CDKAL1: variants seen among roughly 807,000 people sequenced by gnomAD.
CDKAL1 encodes the protein CDKAL1 threonylcarbamoyladenosine tRNA methylthiotransferase, also known as threonylcarbamoyladenosine tRNA methylthiotransferase.
CDKAL1 carries 32 observed loss-of-function variants against 68.2 expected under a neutral mutation model. The observed-to-expected ratio is 0.47, with a 90% CI of 0.35 to 0.63. The LOEUF (loss-of-function observed/expected upper bound fraction) is 0.63, where lower values mean the gene tolerates loss of function less well. Ranked by LOEUF, CDKAL1 falls within the 30% of genes least tolerant of loss-of-function variation. CDKAL1 has a pLI of 0.00. For synonymous variants in CDKAL1, 234 were observed against 244.3 expected (o/e 0.96, Z 0.39); for missense variants, 606 against 696.7 (o/e 0.87, Z 1.47).
Position 20,841,849 on chromosome 6 carries a change from G to C in CDKAL1, c.639-4226G>C, listed in dbSNP as rs552238908. ...CTTTTGAGGGTTTTAGTCATTCTTGGTCTCTGGCCATGTAACAACCTGTGC... is the reference window on the plus strand; with the variant it reads ...CTTTTGAGGGTTTTAGTCATTCTTGCTCTCTGGCCATGTAACAACCTGTGC... On this transcript the variant is annotated intron_variant, in intron 8 of 15. Coordinates refer to ENST00000274695, the MANE Select transcript of CDKAL1 (RefSeq NM_017774.3). Among the ~76,000 whole-genome samples the C allele has an allele frequency of 2.6e-3, 394 of 152,308 alleles. 1 individual carries two copies. Among genetic ancestry groups the C allele is most frequent in the Non-Finnish European group, 5.0e-3 (339 of 68,016 alleles).
At chr6:20,575,628 T>C (rs138787066) in intron 4 of CDKAL1, among the ~76,000 whole-genome samples, 3 of 152,136 alleles carry the variant, frequency 2.0e-5, no homozygotes. Context: ...CACATTAATA[T>C]TATATCTTTT....
intron 9 of CDKAL1, among the ~76,000 whole-genome samples, chr6:20,940,942 T>A (rs1229914993): frequency 6.6e-6 from 1 of 151,850 alleles, no homozygotes; most frequent in Non-Finnish European, 1.5e-5. Context: ...TACAAAAAAT[T>A]AGCCAGGCGT....
chr6:20,869,855 T>A (rs565126425), intron 9 of CDKAL1, among the ~76,000 whole-genome samples: 3 of 152,182 alleles, frequency 2.0e-5, no homozygotes, highest in African/African-American at 7.2e-5. Flanking sequence ...ATCTGATGGC[T>A]GATTTTTTAA....
rs112335499 is a variant in CDKAL1, at chr6:20,713,412, A to G, written c.372-26107A>G. Among the ~76,000 whole-genome samples, 104 of 152,332 alleles carry G rather than the reference A, an allele frequency of 6.8e-4. No individual in the cohort carries two copies. The Middle Eastern group carries it at 0.017, about 25-fold the overall frequency. ...AAAAATGATACCACATCCTAAGAGTACATGATGTAAATCATTCTTAGTTCC... is the reference window on the plus strand; with the variant it reads ...AAAAATGATACCACATCCTAAGAGTGCATGATGTAAATCATTCTTAGTTCC... On this transcript the variant is annotated intron_variant, in intron 5 of 15. Transcript: ENST00000274695.
intron 10 of CDKAL1, among the ~76,000 whole-genome samples, chr6:20,974,646 G>A (rs1312706617): frequency 1.3e-5 from 2 of 151,758 alleles, no homozygotes; most frequent in Non-Finnish European, 2.9e-5. Flanking sequence ...GGCTGTTATC[G>A]AGTTGATGGT....
At chr6:21,000,619 G>A (rs1321568376) in intron 11 of CDKAL1, among the ~76,000 whole-genome samples, 1 of 152,072 alleles carries the variant, frequency 6.6e-6, no homozygotes, top group Non-Finnish European at 1.5e-5. Flanking sequence ...TCTTTTTAAG[G>A]TAATGTGAAT....
chr6:21,196,860 T>TA, intron 13 of CDKAL1, among the ~76,000 whole-genome samples: 1 of 152,108 alleles, frequency 6.6e-6, no homozygotes. Flanking sequence ...GACAACCTTG[T>TA]AAAAAGAGTA....
chr6:20,779,150 G>A (rs1353122302), intron 7 of CDKAL1, among the ~76,000 whole-genome samples: 2 of 152,168 alleles, frequency 1.3e-5, no homozygotes. Context: ...CTAAGTATTG[G>A]CAAGGATATG....
chr6:20,861,384 A>G (rs1248174490), intron 9 of CDKAL1, among the ~76,000 whole-genome samples: 1 of 152,264 alleles, frequency 6.6e-6, no homozygotes, highest in South Asian at 2.1e-4. Flanking sequence ...CTCAGGGTTC[A>G]GAGGCCATGT....
At position 21,081,982 on chromosome 6, in the gene CDKAL1, A is replaced by G. The variant is rs893835720; in HGVS notation, c.1236+16754A>G. On this transcript the variant is annotated intron_variant, in intron 12 of 15. Coordinates refer to ENST00000274695, the MANE Select transcript of CDKAL1 (RefSeq NM_017774.3). ...CAAAGGACTTATACATGTAGTTCCA[A>G]GTATAAGAGCTATGTATAATGTTAA... is the stretch of plus-strand genomic sequence containing the variant. 6.9e-5 allele frequency among the ~76,000 whole-genome samples: 10 copies of G among 144,322 alleles called. No individual in the cohort carries two copies. In the Admixed American group the frequency reaches 7.5e-4, roughly 11 times the overall value. The allele number at this position is 144,322 out of a possible 152,430, so 94.7% of individuals were successfully genotyped here. A position where few individuals can be genotyped will look rare whatever the true frequency, so the allele number is the denominator to read the frequency against.
At chr6:21,029,667 G>A (rs1453863521) in intron 11 of CDKAL1, among the ~76,000 whole-genome samples, 1 of 152,162 alleles carries the variant, frequency 6.6e-6, no homozygotes, top group Non-Finnish European at 1.5e-5. Context: ...AGTGGGCGAA[G>A]GATATGAGCA....
intron 8 of CDKAL1, among the ~76,000 whole-genome samples, chr6:20,785,582 A>G (rs775369180): frequency 6.6e-6 from 1 of 152,034 alleles, no homozygotes; most frequent in Non-Finnish European, 1.5e-5. Context: ...AATTGCTGGG[A>G]TTACAGGTGT....
chr6:20,701,726 C>T (rs553169052), intron 5 of CDKAL1, among the ~76,000 whole-genome samples: 29 of 152,214 alleles, frequency 1.9e-4, no homozygotes, highest in African/African-American at 7.0e-4. Flanking sequence ...GTTATGTTCC[C>T]CCAGCCACCC....
At chr6:20,538,105 G>A (rs1481498972) in intron 2 of CDKAL1, among the ~76,000 whole-genome samples, 1 of 152,188 alleles carries the variant, frequency 6.6e-6, no homozygotes, top group Non-Finnish European at 1.5e-5. Context: ...CCCTCCAGAA[G>A]GGGTGTACCA....
At position 21,109,696 on chromosome 6, in the gene CDKAL1, A is replaced by G. The variant is rs149443207; in HGVS notation, c.1299+1233A>G. On this transcript the variant is annotated intron_variant, in intron 13 of 15. Coordinates refer to ENST00000274695, the MANE Select transcript of CDKAL1 (RefSeq NM_017774.3). ...CAATGCAGACAGAAGGAGCAGGCTG[A>G]TAAGTAATACAACAGCAAAAGGAAT... Among the ~76,000 whole-genome samples the G allele has an allele frequency of 2.6e-5, 4 of 152,368 alleles. No homozygotes were observed. In the East Asian group the frequency reaches 7.7e-4, roughly 29 times the overall value.
At chr6:20,927,600 G>A (rs745830081) in intron 9 of CDKAL1, among the ~76,000 whole-genome samples, 4 of 152,164 alleles carry the variant, frequency 2.6e-5, no homozygotes, top group Admixed American at 6.5e-5. Flanking sequence ...ACAGGAAGAT[G>A]TATCCTAGAC....
intron 7 of CDKAL1, among the ~76,000 whole-genome samples, chr6:20,767,562 T>G (rs1169649987): frequency 3.9e-5 from 6 of 152,112 alleles, no homozygotes; most frequent in Non-Finnish European, 8.8e-5. Context: ...GGCTCAGATG[T>G]AGGTAGAAAA....
chr6:21,083,454 G>T (rs1369141303), intron 12 of CDKAL1, among the ~76,000 whole-genome samples: 1 of 152,136 alleles, frequency 6.6e-6, no homozygotes, highest in African/African-American at 2.4e-5. Context: ...GAGAAAGACA[G>T]ATGTAGATGT....
chr6:20,909,189 G>A (rs1409901515), intron 9 of CDKAL1, among the ~76,000 whole-genome samples: 2 of 34,960 alleles, frequency 5.7e-5, no homozygotes, highest in Non-Finnish European at 9.0e-5. Flanking sequence ...GCATGTATGT[G>A]TGTGTGTGTG....
Sources: allele counts gnomAD v4.1 joint callset (sites outside exome capture counted in the v4.1 genomes callset), GRCh38; gene constraint gnomAD v4.1.1; transcripts MANE v1.5; gene names NCBI Gene and HGNC (gene_info 2026-07-23, HGNC 2026-07-21).